The following BMP6 variants were observed in gnomAD, a reference collection of about 807,000 sequenced individuals.
The protein encoded by BMP6 is bone morphogenetic protein 6.
BMP6 carries 17 observed loss-of-function variants against 54.1 expected under a neutral mutation model. That is an observed-to-expected ratio of 0.31 (90% CI 0.22 to 0.47). BMP6 has a LOEUF of 0.47. BMP6 is among the 20% of genes least tolerant of loss of function. BMP6 has a pLI of 1.00. For synonymous variants in BMP6, 328 were observed against 291.2 expected (o/e 1.13, Z -1.28); for missense variants, 720 against 690.4 (o/e 1.04, Z -0.48).
chr6:7,864,723 C>G (rs1224850599), intron 4 of BMP6, among the ~76,000 whole-genome samples: 1 of 152,182 alleles, frequency 6.6e-6, no homozygotes, highest in Non-Finnish European at 1.5e-5. Flanking sequence ...TGCTTCTTGT[C>G]ATCCTGGTGT....
rs935244520 is a variant in BMP6 at position 7,765,154 on chromosome 6, C to T, written c.664+37535C>T. On this transcript the variant is annotated intron_variant, in intron 1 of 6. Transcript: ENST00000283147. ...CCCGAGACTTGTAGGCCTCGAGTTT[C>T]CCAGTGATTGGTTGATACTTCTGCC... Among the ~76,000 whole-genome samples the T allele has an allele frequency of 7.9e-5, 12 of 152,222 alleles. No individual in the cohort carries two copies. The East Asian group carries it at 2.3e-3, about 29-fold the overall frequency.
intron 1 of BMP6, among the ~76,000 whole-genome samples, chr6:7,785,491 T>C (rs1214532101): frequency 6.6e-6 from 1 of 152,214 alleles, no homozygotes; most frequent in East Asian, 1.9e-4. Context: ...TTTTGAGTGA[T>C]GAGAAACTGG....
intron 4 of BMP6, among the ~76,000 whole-genome samples, chr6:7,875,237 C>T (rs1017136067): frequency 6.6e-6 from 1 of 152,196 alleles, no homozygotes; most frequent in African/African-American, 2.4e-5. Context: ...AGAATTTGCC[C>T]TTCCTCTGTC....
intron 1 of BMP6, among the ~76,000 whole-genome samples, chr6:7,752,085 A>G (rs1334686100): frequency 6.6e-6 from 1 of 152,152 alleles, no homozygotes; most frequent in African/African-American, 2.4e-5. Flanking sequence ...CTTAAAACTT[A>G]TTGGTCCTTG....
intron 1 of BMP6, among the ~76,000 whole-genome samples, chr6:7,789,178 A>ACCCCTAG (rs1554121014): frequency 6.6e-6 from 1 of 152,134 alleles, no homozygotes; most frequent in Admixed American, 6.5e-5. Context: ...GGGATTCTGT[A>ACCCCTAG]CCCCTAGCCC....
intron 1 of BMP6, among the ~76,000 whole-genome samples, chr6:7,839,209 G>T (rs1758925337): frequency 6.6e-6 from 1 of 152,150 alleles, no homozygotes; most frequent in African/African-American, 2.4e-5. Context: ...CTGTTGCCCA[G>T]GCTGGAGCGC....
In BMP6 at chr6:7,881,410, TTA is replaced by T. The variant is rs1759727944; in HGVS notation, c.*1070_*1071del. ...ATACTAAACTGATTAAATAATACAT[TTA>T]TAATCTACAACTGTTTGCACTTACA... On this transcript the variant is annotated 3_prime_UTR_variant, in exon 7 of 7. Transcript: ENST00000283147. 2 of 152,626 alleles carry T rather than the reference TTA, an allele frequency of 1.3e-5. No homozygotes were observed. The highest frequency in any genetic ancestry group is 2.9e-5 in the Non-Finnish European group (2 of 68,036). The allele number at this position is 152,626 out of a possible 1,614,324, so 9.5% of individuals were successfully genotyped here.
intron 1 of BMP6, among the ~76,000 whole-genome samples, chr6:7,787,592 G>T (rs1405109628): frequency 6.6e-6 from 1 of 152,166 alleles, no homozygotes; most frequent in African/African-American, 2.4e-5. Flanking sequence ...GCAAACCAAG[G>T]TGCCATTTGC....
rs146990739 is a variant in BMP6 at position 7,738,687 on chromosome 6, T to A, written c.664+11068T>A. ...AGATAATTCCCAAGACGATTCTTTT[T>A]AAATTTTTTGGTAATGCAGCTTAAT... On this transcript the variant is annotated intron_variant, in intron 1 of 6. Coordinates refer to ENST00000283147, the MANE Select transcript of BMP6 (RefSeq NM_001718.6). 4.9e-3 allele frequency among the ~76,000 whole-genome samples: 741 copies of A among 152,346 alleles called. 10 individuals are homozygous for A. Among genetic ancestry groups the A allele is most frequent in the African/African-American group, 0.017 (691 of 41,582 alleles).
rs748793034 is a variant in BMP6, at chr6:7,871,349, CTG to C, written c.1205-7724_1205-7723del. ...CCGCGCTGCTAAAGGCAATTAACAT[CTG>C]ATACATTCTCAAAGCTCAGAAATCT... On this transcript the variant is annotated intron_variant, in intron 4 of 6. Coordinates refer to ENST00000283147, the MANE Select transcript of BMP6 (RefSeq NM_001718.6). 1.1e-4 allele frequency among the ~76,000 whole-genome samples: 17 copies of C among 152,354 alleles called. No homozygotes were observed. In the Middle Eastern group the frequency reaches 0.01, roughly 91 times the overall value.
intron 1 of BMP6, among the ~76,000 whole-genome samples, chr6:7,766,631 T>C (rs189661074): frequency 1.3e-5 from 2 of 152,160 alleles, no homozygotes; most frequent in Non-Finnish European, 2.9e-5. Context: ...AAAAATAAAA[T>C]AAATAAATAA....
At chr6:7,830,674 T>A (rs1374679258) in intron 1 of BMP6, among the ~76,000 whole-genome samples, 1 of 150,990 alleles carries the variant, frequency 6.6e-6, no homozygotes, top group Non-Finnish European at 1.5e-5. Flanking sequence ...ACTGGGGAGG[T>A]CTCACAATCA....
At chr6:7,870,393 C>T (rs999451509) in intron 4 of BMP6, among the ~76,000 whole-genome samples, 3 of 152,172 alleles carry the variant, frequency 2.0e-5, no homozygotes, top group African/African-American at 7.2e-5. Context: ...AGATGCAAGC[C>T]TCCCTTTGGC....
intron 2 of BMP6, among the ~76,000 whole-genome samples, chr6:7,859,809 T>C (rs1428352491): frequency 1.3e-5 from 2 of 152,098 alleles, no homozygotes; most frequent in African/African-American, 4.8e-5. Flanking sequence ...TCCCGCAGAC[T>C]CTGTTAAGCA....
At chr6:7,790,430 A>T (rs1758078694) in intron 1 of BMP6, among the ~76,000 whole-genome samples, 1 of 140,190 alleles carries the variant, frequency 7.1e-6, no homozygotes, top group Non-Finnish European at 1.5e-5. Context: ...AGGTGGGGGG[A>T]TGACCTGGGC....
At chr6:7,788,840 T>A (rs1758053333) in intron 1 of BMP6, among the ~76,000 whole-genome samples, 2 of 151,574 alleles carry the variant, frequency 1.3e-5, no homozygotes, top group South Asian at 4.2e-4. Flanking sequence ...AGAAATAAGA[T>A]CCCTCCCACC....
chr6:7,727,133 C>T lies in BMP6; in HGVS notation c.178C>T (p.Pro60Ser). 1.3e-6 allele frequency: 2 copies of T among 1,549,478 alleles called. No homozygotes were observed. Among genetic ancestry groups the T allele is most frequent in the Non-Finnish European group, 1.7e-6 (2 of 1,150,490 alleles). ...PGRTEQPPPS[P>S]QSSSGFLYRR... is the part of the protein sequence containing the mutation. ...CCGCACGGAGCAGCCGCCGCCGTCG[C>T]CGCAGTCCTCCTCGGGCTTCCTGTA... The change falls in exon 1 of 7, where the codon CCG (proline) becomes TCG (serine). Residue 60 changes from proline to serine, a missense_variant. Around this residue, in one of 3 missense-constraint regions of BMP6, gnomAD observed 650 missense variants for 556.3 expected, o/e 1.17. Coordinates refer to ENST00000283147, the MANE Select transcript of BMP6 (RefSeq NM_001718.6).
chr6:7,862,594 C>A, intron 4 of BMP6, 96 bp downstream of exon 4: 1 of 1,476,246 alleles, frequency 6.8e-7, no homozygotes, highest in Non-Finnish European at 9.3e-7. Context: ...GCAGCTTCTG[C>A]ACAGCAAATC....
At chr6:7,825,174 G>T (rs1255269247) in intron 1 of BMP6, among the ~76,000 whole-genome samples, 1 of 152,054 alleles carries the variant, frequency 6.6e-6, no homozygotes, top group Non-Finnish European at 1.5e-5. Flanking sequence ...TTGAAAACTA[G>T]CTGGGTATGG....
Sources: gnomAD v4.1 joint callset for allele counts (sites outside exome capture counted in the v4.1 genomes callset) on GRCh38, gnomAD v4.1.1 for gene constraint, gnomAD v4.1.1 regional missense constraint, MANE v1.5 for transcripts, NCBI Gene and HGNC (gene_info 2026-07-23, HGNC 2026-07-21) for gene names.